The following USH1C variants were observed in gnomAD, a reference collection of about 807,000 sequenced individuals.
The protein encoded by USH1C is harmonin.
Under a neutral mutation model 119.3 loss-of-function variants are expected in USH1C, and 90 were observed. The observed-to-expected ratio is 0.75, with a 90% confidence interval of 0.64 to 0.90. USH1C has a LOEUF of 0.90. Among genes scored for constraint, USH1C ranks in the 40% least tolerant of loss-of-function variants. USH1C has a pLI of 0.00. For synonymous variants in USH1C, 465 were observed against 443.3 expected, an observed-to-expected ratio of 1.05 and a Z score of -0.62; for missense variants, 1,165 against 1,167.7, an observed-to-expected ratio of 1.00 and a Z score of 0.03.
Position 17,526,416 on chromosome 11 carries a change from G to C in USH1C, c.605C>G (p.Pro202Arg), listed in dbSNP as rs1592011226. 1 of 1,614,048 alleles carries C rather than the reference G, an allele frequency of 6.2e-7. No homozygotes were observed. Among genetic ancestry groups the C allele is most frequent in the East Asian group, 2.2e-5 (1 of 44,860 alleles). The stretch of plus-strand genomic sequence containing the variant: ...CTTCTCCTTGTTTTCCCGATTTCCA[G>C]GGGAGCCCAGGCTGCCTCGCACGCC... ...SGGVRGSLGS[P>R]GNRENKEKKV... Residue 202 changes from proline to arginine, a missense_variant, in exon 8 of 27, where the codon CCT (proline) becomes CGT (arginine). Coordinates refer to ENST00000005226, the MANE Select transcript of USH1C (RefSeq NM_153676.4).
At chr11:17,524,701 C>T (rs1480910863) in intron 8 of USH1C, among the ~76,000 whole-genome samples, 166 bp from the exon 9 acceptor site, 1 of 152,180 alleles carries the variant, frequency 6.6e-6, no homozygotes, top group African/African-American at 2.4e-5. Context: ...GCAACAGCCA[C>T]AGAAAAATCC....
chr11:17,496,954 C>T, intron 24 of USH1C, 141 bp from the exon 25 acceptor site: 3 of 868,594 alleles, frequency 3.5e-6, no homozygotes, highest in Non-Finnish European at 5.4e-6. Flanking sequence ...CTGGGGCCCA[C>T]TGTGACTTCC....
At chr11:17,537,994 C>G (rs1851296935) in intron 1 of USH1C, among the ~76,000 whole-genome samples, 1 of 151,666 alleles carries the variant, frequency 6.6e-6, no homozygotes, top group South Asian at 2.1e-4. Flanking sequence ...TGAAATATAA[C>G]TCCTTTGTTG....
chr11:17,494,772 T>C, intron 26 of USH1C: 1 of 321,982 alleles, frequency 3.1e-6, no homozygotes, highest in East Asian at 7.5e-5. Flanking sequence ...AAGTCCAGGC[T>C]TGGGTCTGCC....
At chr11:17,538,612 T>G (rs888154623) in intron 1 of USH1C, among the ~76,000 whole-genome samples, 5 of 152,130 alleles carry the variant, frequency 3.3e-5, no homozygotes, top group Admixed American at 1.3e-4. Context: ...CCTGGGACAT[T>G]TCAAGGTCTC....
rs1247686478 is a variant in USH1C at position 17,531,040 on chromosome 11, G to A, written c.387+114C>T. On this transcript the variant is annotated intron_variant, in intron 4 of 26. Transcript: ENST00000005226. The surrounding 1 kb of genome is among the most constrained non-coding windows in gnomAD (Gnocchi z 4.2). The stretch of plus-strand genomic sequence containing the variant: ...GGATGCGCCAGCCTCTTCTTCACCC[G>A]AAGGCTCAGAAAAGTGGGTGACCAT... 1.5e-5 allele frequency: 23 copies of A among 1,535,384 alleles called. No homozygotes were observed. The highest frequency in any genetic ancestry group is 8.2e-5 in the South Asian group (7 of 85,832).
chr11:17,518,168 A>T (rs920056117), intron 14 of USH1C, among the ~76,000 whole-genome samples: 1 of 152,260 alleles, frequency 6.6e-6, no homozygotes, highest in African/African-American at 2.4e-5. Context: ...CCATTGGCCT[A>T]TGCAAAGGCT....
At chr11:17,522,738 G>C in intron 12 of USH1C, 46 bp downstream of exon 12, 1 of 1,612,930 alleles carries the variant, frequency 6.2e-7, no homozygotes, top group South Asian at 1.1e-5. Flanking sequence ...GGGTCGTGTG[G>C]TGGGGTGGGA....
In USH1C at chr11:17,521,364, T is replaced by A; in HGVS notation, c.1067A>T (p.Tyr356Phe). 1 of 1,614,142 alleles carries A rather than the reference T, an allele frequency of 6.2e-7. No homozygotes were observed. The highest frequency in any genetic ancestry group is 8.5e-7 in the Non-Finnish European group (1 of 1,180,012). Residue 356 changes from tyrosine (Y) to phenylalanine (F), a missense_variant, in exon 13 of 27, where the codon TAC (tyrosine) becomes TTC (phenylalanine). Coordinates refer to ENST00000005226, the MANE Select transcript of USH1C (RefSeq NM_153676.4). ...TACTCACTGTTCCATCTCCTTCCGG[T>A]ATCTCTCATTTTCCTCTGCTGCCTT... ...AQKAAEENER[Y>F]RKEMEQIVEE...
intron 15 of USH1C, 102 bp from the exon 16 acceptor site, chr11:17,512,156 T>A: frequency 1.5e-6 from 2 of 1,337,480 alleles, no homozygotes; most frequent in South Asian, 2.4e-5. Context: ...CATCCCATGG[T>A]GAGCCCCTCC....
chr11:17,509,210 T>C (rs952871434), intron 18 of USH1C, 146 bp downstream of exon 18: 2 of 1,157,242 alleles, frequency 1.7e-6, no homozygotes, highest in East Asian at 2.6e-5. Context: ...TGTCCACACA[T>C]GCACACGGAG....
At chr11:17,540,710 C>T (rs769281276) in intron 1 of USH1C, among the ~76,000 whole-genome samples, 2 of 152,178 alleles carry the variant, frequency 1.3e-5, no homozygotes, top group East Asian at 1.9e-4. Context: ...ATCAGCAAAG[C>T]CTGTCAGTTT....
Position 17,498,203 on chromosome 11 carries a change from C to T in USH1C, c.2449G>A (p.Glu817Lys), listed in dbSNP as rs1202820677. The change falls in exon 24 of 27, where the codon GAG becomes AAG. Residue 817 changes from glutamate (E) to lysine (K), a missense_variant. By Grantham distance (56) the Glu-to-Lys change is moderately conservative. Coordinates refer to ENST00000005226, the MANE Select transcript of USH1C (RefSeq NM_153676.4). ...GKIVTDYTLA[E>K]AEAALQKAWN... ...GCCTTCTGCAGGGCAGCCTCAGCCTCAGCCAGGGTGTAGTCTGTCACAATC... is the reference window on the plus strand; with the variant it reads ...GCCTTCTGCAGGGCAGCCTCAGCCTTAGCCAGGGTGTAGTCTGTCACAATC... 2 of 1,614,206 alleles carry T rather than the reference C, an allele frequency of 1.2e-6. No individual in the cohort carries two copies. The highest frequency in any genetic ancestry group is 4.5e-5 in the East Asian group (2 of 44,878).
At chr11:17,506,030 C>T (rs1020748396) in intron 18 of USH1C, 81 bp from the exon 19 acceptor site, 3 of 1,597,186 alleles carry the variant, frequency 1.9e-6, no homozygotes, top group African/African-American at 2.7e-5. Context: ...TACACACATG[C>T]AAATCTACAC....
At chr11:17,513,064 G>A (rs1402870554) in intron 15 of USH1C, among the ~76,000 whole-genome samples, 1 of 152,198 alleles carries the variant, frequency 6.6e-6, no homozygotes, top group African/African-American at 2.4e-5. Context: ...CTTTGATGAA[G>A]GAGCTGAGGC....
intron 20 of USH1C, among the ~76,000 whole-genome samples, chr11:17,503,516 C>T (rs1288120838): frequency 1.3e-5 from 2 of 152,206 alleles, no homozygotes; most frequent in African/African-American, 4.8e-5. Context: ...CCCAAGGTCA[C>T]CCAGTCAGTG....
At chr11:17,536,528 T>C (rs960314869) in intron 1 of USH1C, among the ~76,000 whole-genome samples, 2 of 152,162 alleles carry the variant, frequency 1.3e-5, no homozygotes, top group African/African-American at 4.8e-5. Flanking sequence ...TCCCTGAAGG[T>C]CCCGGGCTCC....
In USH1C at chr11:17,501,057, G is replaced by A. The variant is rs200428926; in HGVS notation, c.2374C>T (p.Arg792Trp). The change falls in exon 23 of 27, where the codon CGG becomes TGG. Residue 792 changes from arginine (R) to tryptophan (W), a missense_variant. Physicochemically the swap from Arg to Trp is moderately radical, Grantham distance 101 (BLOSUM62 -3). Coordinates refer to ENST00000005226, the MANE Select transcript of USH1C (RefSeq NM_153676.4). ...GTGGCTAGTCTCCACTCACCATGCC[G>A]CTCAGCAGCTCCCCGCTCATACACA... ...SAVYERGAAERHGGIVKGDEI... is the reference protein window; with the variant it reads ...SAVYERGAAEWHGGIVKGDEI... The A allele has an allele frequency of 4.0e-5, 65 of 1,613,346 alleles. No homozygotes were observed. The Admixed American group carries it at 4.3e-4, about 11-fold the overall frequency.
intron 4 of USH1C, among the ~76,000 whole-genome samples, chr11:17,530,156 C>T (rs1850894189): frequency 6.6e-6 from 1 of 152,214 alleles, no homozygotes; most frequent in Non-Finnish European, 1.5e-5. Flanking sequence ...CCTTGAAAGC[C>T]CCAAGCTTGG....
Sources: allele counts gnomAD v4.1 joint callset (sites outside exome capture counted in the v4.1 genomes callset), GRCh38; gene constraint gnomAD v4.1.1; non-coding constraint Gnocchi (gnomAD v3.1); transcripts MANE v1.5; gene names NCBI Gene and HGNC (gene_info 2026-07-23, HGNC 2026-07-21).